POLK: variants seen among roughly 807,000 people sequenced by gnomAD.
The protein encoded by POLK is polymerase (DNA directed) kappa.
In POLK, 76 loss-of-function variants were observed where a neutral mutation model predicts 94.0. The ratio of observed to expected loss-of-function variants is 0.81; its 90% CI spans 0.67 to 0.98. The LOEUF is 0.98. POLK is among the 50% of genes least tolerant of loss of function. The pLI, the probability that POLK is intolerant of heterozygous loss-of-function variation, is 0.00. For missense variants in POLK, 954 were observed against 1,010.1 expected (o/e 0.94, Z 0.75); for synonymous variants, 349 against 325.4 (o/e 1.07, Z -0.78).
At chr5:75,575,207 G>A (rs1035919771) in intron 5 of POLK, among the ~76,000 whole-genome samples, 1 of 151,942 alleles carries the variant, frequency 6.6e-6, no homozygotes, top group Non-Finnish European at 1.5e-5. Context: ...TTGACACAGG[G>A]TCTCACCCCA....
intron 1 of POLK, among the ~76,000 whole-genome samples, chr5:75,515,216 T>C (rs1768267030): frequency 6.6e-6 from 1 of 152,250 alleles, no homozygotes; most frequent in Non-Finnish European, 1.5e-5. Context: ...AAAATAGTCA[T>C]TGTCATTTAC....
upstream of POLK, among the ~76,000 whole-genome samples, chr5:75,510,898 C>T (rs1387302877): frequency 6.6e-6 from 1 of 152,164 alleles, no homozygotes; most frequent in African/African-American, 2.4e-5. Flanking sequence ...GGTTTATACA[C>T]CCTTTCCCTG....
intron 1 of POLK, among the ~76,000 whole-genome samples, chr5:75,541,400 T>A (rs1251336559): frequency 6.6e-6 from 1 of 152,206 alleles, no homozygotes; most frequent in Non-Finnish European, 1.5e-5. Flanking sequence ...TTATTCATCC[T>A]GTCGAAAGAA....
intron 4 of POLK, among the ~76,000 whole-genome samples, chr5:75,570,771 T>C (rs900883165): frequency 1.3e-5 from 2 of 152,178 alleles, no homozygotes; most frequent in African/African-American, 4.8e-5. Context: ...GAAGAGTTCT[T>C]CCCTGTTCCT....
At chr5:75,541,738 CTT>C (rs1426679000) in intron 1 of POLK, among the ~76,000 whole-genome samples, 5 of 152,232 alleles carry the variant, frequency 3.3e-5, no homozygotes, top group African/African-American at 9.6e-5. Context: ...GTTTTTTCCT[CTT>C]GTTTTGCAAA....
chr5:75,597,705 T>C (rs989039699), intron 13 of POLK, 42 bp from the exon 14 acceptor site: 1 of 1,140,926 alleles, frequency 8.8e-7, no homozygotes, highest in Admixed American at 2.6e-5. Context: ...AATTATTTCA[T>C]ATTATTCATT....
At chr5:75,596,277 C>T (rs775220469) in exon 13 of POLK, 9 of 1,613,094 alleles carry the variant, frequency 5.6e-6, no homozygotes, top group South Asian at 1.1e-5. Flanking sequence ...AACAAAGGAG[C>T]ATTATTGGCT....
chr5:75,585,901 A>G (rs541639748), intron 9 of POLK, among the ~76,000 whole-genome samples: 18 of 152,214 alleles, frequency 1.2e-4, no homozygotes, highest in Non-Finnish European at 2.4e-4. Context: ...TAAATTTTAC[A>G]GAGATTGCAA....
intron 1 of POLK, among the ~76,000 whole-genome samples, chr5:75,545,467 G>A (rs1241267633): frequency 1.3e-5 from 2 of 152,054 alleles, no homozygotes; most frequent in Admixed American, 6.6e-5. Context: ...AGTTATGATG[G>A]GCAATTCATT....
rs1772195305 is a variant in POLK, at chr5:75,581,564, C to G, written c.934+116C>G. 3.4e-6 allele frequency: 3 copies of G among 877,242 alleles called. No individual in the cohort carries two copies. In the South Asian group the frequency reaches 5.4e-5, roughly 16 times the overall value. 54.3% of individuals were successfully genotyped at this position (877,242 alleles called of 1,614,324 possible). On this transcript the variant is annotated intron_variant, in intron 7 of 14. Transcript: ENST00000241436. ...TATAGTAACATTTTACTTACTTAGT[C>G]TTTCATTCAACTTCTAACAACTTTA... is the stretch of plus-strand genomic sequence containing the variant.
At chr5:75,549,495 T>C (rs1471839285) in intron 2 of POLK, among the ~76,000 whole-genome samples, 1 of 152,102 alleles carries the variant, frequency 6.6e-6, no homozygotes, top group African/African-American at 2.4e-5. Context: ...CTTGAAGCTT[T>C]GCTTTCATAT....
At chr5:75,533,401 G>A (rs1158136152) in intron 1 of POLK, among the ~76,000 whole-genome samples, 2 of 152,158 alleles carry the variant, frequency 1.3e-5, no homozygotes, top group African/African-American at 4.8e-5. Context: ...TTGTAGGCAT[G>A]TGGTTGTACT....
chr5:75,521,940 AG>A (rs1160244321), intron 1 of POLK, among the ~76,000 whole-genome samples: 1 of 152,246 alleles, frequency 6.6e-6, no homozygotes, highest in Non-Finnish European at 1.5e-5. Context: ...GTTTGTGCCC[AG>A]GGGACCTGTG....
chr5:75,523,394 A>G (rs1768680556), intron 1 of POLK, among the ~76,000 whole-genome samples: 1 of 152,224 alleles, frequency 6.6e-6, no homozygotes, highest in African/African-American at 2.4e-5. Flanking sequence ...ATTGCAATCT[A>G]AGAGAATTAT....
chr5:75,532,235 C>T (rs2112575932), intron 1 of POLK, among the ~76,000 whole-genome samples: 1 of 152,252 alleles, frequency 6.6e-6, no homozygotes, highest in East Asian at 1.9e-4. Context: ...CCTCTCCCTC[C>T]TCCCACCCTC....
At chr5:75,511,269 C>T (rs1767974661), upstream of POLK, 2 of 1,592,172 alleles carry the variant, frequency 1.3e-6, no homozygotes, top group South Asian at 1.1e-5. Context: ...GGAGGAGGCG[C>T]CCAGTCCTCG....
At chr5:75,571,173 A>G (rs1771570949) in intron 4 of POLK, among the ~76,000 whole-genome samples, 1 of 152,180 alleles carries the variant, frequency 6.6e-6, no homozygotes, top group African/African-American at 2.4e-5. Flanking sequence ...TTATATTTAA[A>G]CAAAGATTAC....
chr5:75,587,581 C>T (rs1360520516), intron 10 of POLK, among the ~76,000 whole-genome samples: 3 of 152,138 alleles, frequency 2.0e-5, no homozygotes, highest in African/African-American at 7.2e-5. Context: ...AAACATCCCT[C>T]AATTATCTCC....
At chr5:75,550,546 T>A (rs2112653366) in intron 2 of POLK, among the ~76,000 whole-genome samples, 1 of 152,130 alleles carries the variant, frequency 6.6e-6, no homozygotes, top group African/African-American at 2.4e-5. Flanking sequence ...ACCACTGCAC[T>A]CCAGTCTGGG....
Sources: gnomAD v4.1 joint callset for allele counts (sites outside exome capture counted in the v4.1 genomes callset) on GRCh38, gnomAD v4.1.1 for gene constraint, MANE v1.5 for transcripts, NCBI Gene and HGNC (gene_info 2026-07-23, HGNC 2026-07-21) for gene names.